Variants in FRY observed in about 807,000 individuals in gnomAD.
The protein encoded by FRY is protein furry homolog.
In FRY, 128 loss-of-function variants were observed where a neutral mutation model predicts 348.4. The ratio of observed to expected loss-of-function variants is 0.37; its 90% CI spans 0.32 to 0.43. The LOEUF (loss-of-function observed/expected upper bound fraction) is 0.43. Among genes scored for constraint, FRY ranks in the 20% least tolerant of loss-of-function variants. The pLI is 1.00. For missense variants in FRY, 2,736 were observed against 3,695.2 expected (o/e 0.74, Z 6.73); for synonymous variants, 1,370 against 1,374.7 (o/e 1.00, Z 0.08).
At chr13:32,266,820 C>T (rs1442970300) in intron 54 of FRY, among the ~76,000 whole-genome samples, 1 of 152,168 alleles carries the variant, frequency 6.6e-6, no homozygotes, top group African/African-American at 2.4e-5. Context: ...ACTGTCTCTA[C>T]TAAAAATGCA....
chr13:32,129,206 A>AT (rs1879205106), intron 7 of FRY, among the ~76,000 whole-genome samples: 1 of 152,214 alleles, frequency 6.6e-6, no homozygotes, highest in African/African-American at 2.4e-5. Flanking sequence ...CATGGTGTCC[A>AT]TTTTATGATA....
At chr13:32,102,521 A>G (rs1009285463) in intron 3 of FRY, among the ~76,000 whole-genome samples, 2 of 152,230 alleles carry the variant, frequency 1.3e-5, no homozygotes, top group Non-Finnish European at 2.9e-5. Flanking sequence ...TGTGAGAAAG[A>G]TACTACCTCA....
intron 22 of FRY, among the ~76,000 whole-genome samples, chr13:32,179,458 A>G (rs1882565882): frequency 6.7e-6 from 1 of 149,826 alleles, no homozygotes; most frequent in South Asian, 2.1e-4. Context: ...TTTCTTTAGA[A>G]TTTGTGTTCC....
At chr13:32,170,361 T>G (rs1355477928) in intron 17 of FRY, among the ~76,000 whole-genome samples, 2 of 152,256 alleles carry the variant, frequency 1.3e-5, no homozygotes, top group Admixed American at 6.5e-5. Context: ...ACCGGTGAAA[T>G]CTGAGTAAAG....
chr13:32,158,204 A>G (rs1376277839), intron 16 of FRY, among the ~76,000 whole-genome samples: 1 of 152,222 alleles, frequency 6.6e-6, no homozygotes, highest in Non-Finnish European at 1.5e-5. Flanking sequence ...ATGCAGAATT[A>G]TTTAAAATAT....
chr13:32,295,138 C>G (rs778807215), intron 60 of FRY, 64 bp from the exon 61 acceptor site: 1 of 1,458,020 alleles, frequency 6.9e-7, no homozygotes, highest in Non-Finnish European at 9.6e-7. Context: ...TTAATGAAGA[C>G]TCATAAGCTC....
At chr13:32,090,221 G>A (rs767018059) in intron 2 of FRY, among the ~76,000 whole-genome samples, 8 of 151,762 alleles carry the variant, frequency 5.3e-5, no homozygotes, top group East Asian at 1.9e-4. Context: ...GGTGGTGGGC[G>A]CCTGTAGTCC....
At chr13:32,088,114 A>C (rs2138572016) in intron 2 of FRY, among the ~76,000 whole-genome samples, 1 of 152,352 alleles carries the variant, frequency 6.6e-6, no homozygotes, top group South Asian at 2.1e-4. Context: ...GTCTTTCTGC[A>C]CTGTGGATTC....
chr13:32,191,041 G>A (rs370751632), intron 28 of FRY, among the ~76,000 whole-genome samples: 2 of 152,130 alleles, frequency 1.3e-5, no homozygotes, highest in African/African-American at 4.8e-5. Context: ...TTCAAAGATG[G>A]CACTGCAGAG....
chr13:32,275,478 A>G (rs1888491664), intron 56 of FRY, among the ~76,000 whole-genome samples: 1 of 152,224 alleles, frequency 6.6e-6, no homozygotes, highest in Non-Finnish European at 1.5e-5. Flanking sequence ...AATACTGCAT[A>G]TGGCCAGTCC....
Position 32,262,376 on chromosome 13 carries a change from C to T in FRY, c.7680C>T (p.Asp2560=). The T allele has an allele frequency of 6.2e-7, 1 of 1,613,544 alleles. No individual in the cohort carries two copies. Among genetic ancestry groups the T allele is most frequent in the South Asian group, 1.1e-5 (1 of 91,076 alleles). Residue 2560 remains aspartate, a synonymous_variant, in exon 53 of 61, where the codon GAC becomes GAT. Transcript: ENST00000542859. The stretch of plus-strand genomic sequence containing the variant: ...TGGAGCTGCTCACCACAGCCTGTGA[C>T]TCGACCCCTGCAGAACCTCATTCCT... ...NPMELLTTAC[D]STPAEPHSFN... is the part of the protein sequence containing the mutation.
intron 11 of FRY, 41 bp from the exon 12 acceptor site, chr13:32,147,241 C>T (rs760998846): frequency 5.8e-6 from 7 of 1,200,548 alleles, no homozygotes; most frequent in Non-Finnish European, 2.5e-6. Flanking sequence ...TCAGACCTCA[C>T]TATTTACATC....
intron 23 of FRY, 57 bp downstream of exon 23, chr13:32,179,856 C>T (rs991071222): frequency 3.9e-6 from 6 of 1,536,332 alleles, no homozygotes; most frequent in Non-Finnish European, 4.5e-6. Context: ...TATTGTAGTT[C>T]CTTTATTAAC....
intron 26 of FRY, among the ~76,000 whole-genome samples, 187 bp from the exon 27 acceptor site, chr13:32,186,071 TGA>T: frequency 1.3e-5 from 2 of 152,360 alleles, no homozygotes; most frequent in South Asian, 4.1e-4. Flanking sequence ...GGCTGCAACG[TGA>T]GGACAGGAAG....
chr13:32,202,979 G>A (rs1884126020), intron 31 of FRY, among the ~76,000 whole-genome samples: 1 of 151,804 alleles, frequency 6.6e-6, no homozygotes, highest in Admixed American at 6.6e-5. Context: ...GTGATAATTA[G>A]TGATGCTAAG....
intron 1 of FRY, among the ~76,000 whole-genome samples, chr13:32,043,232 T>C (rs1872837856): frequency 1.3e-5 from 2 of 152,172 alleles, no homozygotes; most frequent in East Asian, 3.9e-4. Context: ...GCCCCCATGA[T>C]TCACTTATCT....
Position 32,124,285 on chromosome 13 carries a change from G to A in FRY, c.465-1G>A, listed in dbSNP as rs775121529. 1 of 1,559,902 alleles carries A rather than the reference G, an allele frequency of 6.4e-7. No homozygotes were observed. The highest frequency in any genetic ancestry group is 8.8e-7 in the Non-Finnish European group (1 of 1,130,680). On this transcript the variant is annotated splice_acceptor_variant, in intron 4 of 60. Transcript: ENST00000542859. LOFTEE classifies it high-confidence loss of function. ...TAATGTAAATATTTTAAATTTTACA[G>A]CGATGAACAACAGCGAGATTATTTA...
In FRY at chr13:32,142,466, A is replaced by G. The variant is rs115135241; in HGVS notation, c.1180-4816A>G. Among the ~76,000 whole-genome samples the G allele has an allele frequency of 6.8e-3, 1,043 of 152,340 alleles. 15 individuals carry two copies. Among genetic ancestry groups the G allele is most frequent in the African/African-American group, 0.023 (971 of 41,578 alleles). ...TCCAATTTCTGAGAAAACAATACTTATTAGAGCCTAAGTCAATTCCTATCC... is the reference window on the plus strand; with the variant it reads ...TCCAATTTCTGAGAAAACAATACTTGTTAGAGCCTAAGTCAATTCCTATCC... On this transcript the variant is annotated intron_variant, in intron 11 of 60. Transcript: ENST00000542859.
chr13:32,224,050 T>C (rs1048657435), intron 36 of FRY, among the ~76,000 whole-genome samples, 185 bp from the exon 37 acceptor site: 3 of 152,132 alleles, frequency 2.0e-5, no homozygotes, highest in Non-Finnish European at 2.9e-5. Context: ...CAGTGAGTTT[T>C]GATCAATCCA....
Sources: allele counts gnomAD v4.1 joint callset (sites outside exome capture counted in the v4.1 genomes callset), GRCh38; gene constraint gnomAD v4.1.1; transcripts MANE v1.5; gene names NCBI Gene and HGNC (gene_info 2026-07-23, HGNC 2026-07-21).